WDFY4: variants seen among roughly 807,000 people sequenced by gnomAD.
WDFY4 encodes the protein WD repeat- and FYVE domain-containing protein 4.
Under a neutral mutation model 351.9 loss-of-function variants are expected in WDFY4, and 169 were observed. The observed-to-expected ratio is 0.48, with a 90% CI of 0.42 to 0.55. WDFY4 has a LOEUF of 0.55. WDFY4 is among the 20% of genes least tolerant of loss of function. The pLI is 0.00. For synonymous variants in WDFY4, 1,622 were observed against 1,574.6 expected, an observed-to-expected ratio of 1.03 and a Z score of -0.71; for missense variants, 3,803 against 3,935.6, an observed-to-expected ratio of 0.97 and a Z score of 0.90.
At chr10:48,853,288 G>C (rs2069018480) in intron 39 of WDFY4, among the ~76,000 whole-genome samples, 1 of 152,160 alleles carries the variant, frequency 6.6e-6, no homozygotes, top group Non-Finnish European at 1.5e-5. Context: ...TTCTTCTAGA[G>C]ATATCCCGCT....
Position 48,774,678 on chromosome 10 carries a change from A to G in WDFY4, c.2768+6A>G. On this transcript the variant is annotated splice_donor_region_variant and intron_variant, in intron 14 of 61. Coordinates refer to ENST00000325239, the MANE Select transcript of WDFY4 (RefSeq NM_001394531.1). ...ATTGAACCGGATGTGCTAAGGTACC[A>G]CATGCTGCATATTCAGTGCCGCCAA... 6.4e-7 allele frequency: 1 copy of G among 1,551,634 alleles called. No homozygotes were observed. The highest frequency in any genetic ancestry group is 8.7e-7 in the Non-Finnish European group (1 of 1,146,944).
chr10:48,964,077 C>T, intron 54 of WDFY4, 23 bp downstream of exon 54: 3 of 1,548,292 alleles, frequency 1.9e-6, no homozygotes, highest in Admixed American at 3.9e-5. Context: ...TTGTCATTTG[C>T]CTTGCTTTCT....
chr10:48,924,110 G>A (rs116314866), intron 47 of WDFY4, among the ~76,000 whole-genome samples: 6,458 of 152,336 alleles, frequency 0.042, 444 homozygotes, highest in African/African-American at 0.14. Flanking sequence ...TAAAGTGAGG[G>A]CTGGCTAGGA....
chr10:48,927,667 T>C (rs1281219492), intron 47 of WDFY4, among the ~76,000 whole-genome samples: 1 of 152,238 alleles, frequency 6.6e-6, no homozygotes, highest in African/African-American at 2.4e-5. Flanking sequence ...GCTCTGCACA[T>C]GTGCTGCCTG....
chr10:48,943,219 T>G (rs1003169653), intron 48 of WDFY4, 111 bp from the exon 49 acceptor site: 12 of 1,315,062 alleles, frequency 9.1e-6, no homozygotes, highest in Non-Finnish European at 1.1e-5. Flanking sequence ...GCTGGCTGCC[T>G]GTCCTCACCC....
At chr10:48,810,236 A>G (rs1190395771) in intron 28 of WDFY4, among the ~76,000 whole-genome samples, 1 of 152,202 alleles carries the variant, frequency 6.6e-6, no homozygotes, top group Non-Finnish European at 1.5e-5. Context: ...TAGTAGTTAT[A>G]TAGGGCTATT....
chr10:48,724,174 A>C (rs2064186307), intron 5 of WDFY4, among the ~76,000 whole-genome samples: 1 of 151,864 alleles, frequency 6.6e-6, no homozygotes, highest in African/African-American at 2.4e-5. Context: ...CTGCTCCCTG[A>C]GCTTGCAGGG....
rs1211010092 is a variant in WDFY4 at position 48,877,051 on chromosome 10, A to G, written c.7019A>G (p.Glu2340Gly). The G allele has an allele frequency of 4.0e-6, 6 of 1,498,480 alleles. No homozygotes were observed. Among genetic ancestry groups the G allele is most frequent in the Non-Finnish European group, 4.5e-6 (5 of 1,121,522 alleles). 92.8% of individuals were successfully genotyped at this position (1,498,480 alleles called of 1,614,324 possible). The change falls in exon 43 of 62, where the codon GAG becomes GGG. Residue 2340 changes from glutamate to glycine, a missense_variant. Transcript: ENST00000325239. Reference protein sequence around the residue: ...AENQDELTLREAEGEPDEVGV... With the variant: ...AENQDELTLRGAEGEPDEVGV... ...GCTGCAGATGAACTGACACTGAGGG[A>G]GGCTGAGGGCGAGCCGGACGAGGTG... is the stretch of plus-strand genomic sequence containing the variant.
intron 2 of WDFY4, among the ~76,000 whole-genome samples, chr10:48,717,655 A>G (rs1389720248): frequency 1.3e-5 from 2 of 152,220 alleles, no homozygotes; most frequent in African/African-American, 4.8e-5. Flanking sequence ...TTATAGACTC[A>G]TACTGTAATA....
Position 48,780,033 on chromosome 10 carries a change from C to T in WDFY4, c.3490C>T (p.His1164Tyr), listed in dbSNP as rs2066166931. 6.4e-7 allele frequency: 1 copy of T among 1,551,796 alleles called. No homozygotes were observed. The highest frequency in any genetic ancestry group is 1.4e-5 in the African/African-American group (1 of 73,066). ...GCTCCTGGCTTGTGGTCAGTGGCAT[C>T]ACTTGGCTGTGGTTGTCACTAAGGA... ...GQLLACGQWH[H>Y]LAVVVTKEMK... is the part of the protein sequence containing the mutation. The change falls in exon 19 of 62, where the codon CAC becomes TAC. Residue 1164 changes from histidine to tyrosine, a missense_variant. Physicochemically the swap from His to Tyr is moderately conservative, Grantham distance 83. Coordinates refer to ENST00000325239, the MANE Select transcript of WDFY4 (RefSeq NM_001394531.1).
chr10:48,830,061 G>C (rs2068136671), intron 37 of WDFY4, among the ~76,000 whole-genome samples: 1 of 152,190 alleles, frequency 6.6e-6, no homozygotes, highest in Non-Finnish European at 1.5e-5. Flanking sequence ...TACCAGAGAG[G>C]GGACTCATTG....
At chr10:48,727,431 C>G in intron 6 of WDFY4, 39 bp from the exon 7 acceptor site, 1 of 1,537,554 alleles carries the variant, frequency 6.5e-7, no homozygotes, top group Non-Finnish European at 8.8e-7. Flanking sequence ...GCTCTTGCTT[C>G]CAAGCTCAGC....
chr10:48,809,266 C>T (rs148566834), intron 28 of WDFY4, among the ~76,000 whole-genome samples: 3,150 of 151,590 alleles, frequency 0.021, 126 homozygotes, highest in Admixed American at 0.12. Context: ...CCATCATCAC[C>T]ATCATCACCA....
chr10:48,946,111 G>A lies in WDFY4; in HGVS notation c.7821G>A (p.Arg2607=), dbSNP rs1279658520. 1 of 1,548,816 alleles carries A rather than the reference G, an allele frequency of 6.5e-7. No individual in the cohort carries two copies. Among genetic ancestry groups the A allele is most frequent in the South Asian group, 1.2e-5 (1 of 83,094 alleles). Reference sequence around the variant, plus strand: ...CCATGGGGGCTCAGACCAAGGAAAGGAAGCTGAAATTTATCCAGAGGTTTA... The same window carrying A: ...CCATGGGGGCTCAGACCAAGGAAAGAAAGCTGAAATTTATCCAGAGGTTTA... ...SKPMGAQTKE[R]KLKFIQRFKE... Residue 2607 remains arginine, a synonymous_variant, in exon 50 of 62, where the codon AGG becomes AGA. Transcript: ENST00000325239.
chr10:48,825,915 G>T (rs1456100035), intron 35 of WDFY4, among the ~76,000 whole-genome samples: 1 of 151,714 alleles, frequency 6.6e-6, no homozygotes, highest in Non-Finnish European at 1.5e-5. Flanking sequence ...TTACCTGTTT[G>T]CTCTGATGAT....
chr10:48,745,141 A>G (rs2064970212), intron 12 of WDFY4, among the ~76,000 whole-genome samples: 2 of 152,320 alleles, frequency 1.3e-5, no homozygotes, highest in Non-Finnish European at 2.9e-5. Flanking sequence ...TATTTTCAGT[A>G]TCATTTAGTA....
rs374289050 is a variant in WDFY4 at position 48,923,496 on chromosome 10, G to GTATATATATATATATATATA, written c.7587-18293_7587-18292insATATATATATATATATATAT. ...TCAGGTAAACAACAAATAGTTTTTAGTATATATATATATATATGTCCCAAA... is the reference window on the plus strand; with the variant it reads ...TCAGGTAAACAACAAATAGTTTTTAGTATATATATATATATATATATATATATATATATATATGTCCCAAA... On this transcript the variant is annotated intron_variant, in intron 47 of 61. Coordinates refer to ENST00000325239, the MANE Select transcript of WDFY4 (RefSeq NM_001394531.1). 1.7e-3 allele frequency among the ~76,000 whole-genome samples: 107 copies of GTATATATATATATATATATA among 63,148 alleles called. 8 individuals carry two copies. The highest frequency in any genetic ancestry group is 2.9e-3 in the South Asian group (3 of 1,030). 41.4% of individuals were successfully genotyped at this position (63,148 alleles called of 152,430 possible). A position where few individuals can be genotyped will look rare whatever the true frequency, so the allele number is the denominator to read the frequency against.
At chr10:48,917,896 G>A (rs1838695507) in intron 47 of WDFY4, among the ~76,000 whole-genome samples, 2 of 152,182 alleles carry the variant, frequency 1.3e-5, no homozygotes, top group Non-Finnish European at 2.9e-5. Context: ...AACTAACACT[G>A]TGTGATGGAG....
chr10:48,964,088 CAA>C, intron 54 of WDFY4, 34 bp downstream of exon 54: 5 of 1,545,180 alleles, frequency 3.2e-6, no homozygotes, highest in Non-Finnish European at 4.4e-6. Flanking sequence ...CTTGCTTTCT[CAA>C]AAGAGTGTGT....
Sources: gnomAD v4.1 joint callset for allele counts (sites outside exome capture counted in the v4.1 genomes callset) on GRCh38, gnomAD v4.1.1 for gene constraint, MANE v1.5 for transcripts, NCBI Gene and HGNC (gene_info 2026-07-23, HGNC 2026-07-21) for gene names.